Variants in KCNT2 observed in about 807,000 individuals in gnomAD.
The protein encoded by KCNT2 is potassium channel subfamily T member 2.
KCNT2 carries 67 observed loss-of-function variants against 153.8 expected under a neutral mutation model. The observed-to-expected ratio is 0.44, with a 90% CI of 0.36 to 0.53. The LOEUF (loss-of-function observed/expected upper bound fraction) is 0.53. Ranked by LOEUF, KCNT2 falls within the 20% of genes least tolerant of loss-of-function variation. KCNT2 has a pLI of 0.00. For missense variants in KCNT2, 975 were observed against 1,354.8 expected (o/e 0.72, Z 4.40); for synonymous variants, 500 against 458.8 (o/e 1.09, Z -1.15).
Position 196,315,865 on chromosome 1 carries a change from G to T in KCNT2, c.2483+27C>A, listed in dbSNP as rs766480905. 4 of 1,585,208 alleles carry T rather than the reference G, an allele frequency of 2.5e-6. No homozygotes were observed. The Admixed American group carries it at 7.0e-5, about 28-fold the overall frequency. On this transcript the variant is annotated intron_variant, in intron 21 of 27. Transcript: ENST00000294725. ...ACCAATGTTTAGCACAAAGTAAGTG[G>T]CAAGGTTGGATGATTCAGCCACTTA...
chr1:196,573,138 T>C (rs1156259141), intron 1 of KCNT2, among the ~76,000 whole-genome samples: 1 of 152,078 alleles, frequency 6.6e-6, no homozygotes, highest in Non-Finnish European at 1.5e-5. Context: ...TGTATTATAT[T>C]TAACTTCAAA....
At chr1:196,359,744 A>G (rs1036233562) in intron 14 of KCNT2, among the ~76,000 whole-genome samples, 17 of 152,046 alleles carry the variant, frequency 1.1e-4, no homozygotes, top group Non-Finnish European at 2.4e-4. Context: ...ATGAAGAGAT[A>G]GAATTTTTGA....
intron 17 of KCNT2, among the ~76,000 whole-genome samples, chr1:196,333,094 G>GTTT (rs199829441): frequency 5.6e-5 from 8 of 141,778 alleles, no homozygotes; most frequent in African/African-American, 1.0e-4. Context: ...CCAGCTGCAA[G>GTTT]TTTTTTTTTT....
chr1:196,530,707 T>C (rs115013492), intron 1 of KCNT2, among the ~76,000 whole-genome samples: 8,716 of 152,148 alleles, frequency 0.057, 387 homozygotes, highest in Non-Finnish European at 0.085. Context: ...GCATATGTAA[T>C]ATAAATACAG....
At chr1:196,591,489 T>G (rs1355992167) in intron 1 of KCNT2, among the ~76,000 whole-genome samples, 2 of 152,088 alleles carry the variant, frequency 1.3e-5, no homozygotes, top group Non-Finnish European at 2.9e-5. Context: ...TCAACACCTA[T>G]ATGATGAAAT....
At chr1:196,336,753 C>T (rs898856435) in intron 16 of KCNT2, among the ~76,000 whole-genome samples, 10 of 152,290 alleles carry the variant, frequency 6.6e-5, no homozygotes, top group African/African-American at 2.2e-4. Context: ...CCTTATGTTA[C>T]GACCTATCAG....
At chr1:196,592,895 T>A (rs141611750) in intron 1 of KCNT2, among the ~76,000 whole-genome samples, 8,531 of 149,908 alleles carry the variant, frequency 0.057, 377 homozygotes, top group Non-Finnish European at 0.085. Flanking sequence ...AAATTATTTT[T>A]AAGAAAATTT....
intron 1 of KCNT2, among the ~76,000 whole-genome samples, chr1:196,526,224 AT>A (rs111807760): frequency 9.2e-5 from 14 of 152,058 alleles, no homozygotes; most frequent in African/African-American, 3.4e-4. Context: ...TACATAAAAA[AT>A]GTTCATGTAT....
At chr1:196,598,176 T>C (rs1664309003) in intron 1 of KCNT2, among the ~76,000 whole-genome samples, 1 of 152,196 alleles carries the variant, frequency 6.6e-6, no homozygotes, top group Non-Finnish European at 1.5e-5. Flanking sequence ...GTTAACTATT[T>C]GATCTTACAT....
intron 22 of KCNT2, among the ~76,000 whole-genome samples, chr1:196,289,514 G>A (rs969620425): frequency 1.3e-5 from 2 of 151,970 alleles, no homozygotes; most frequent in Admixed American, 6.6e-5. Context: ...TTATGTTAGC[G>A]GCCTACATCA....
At chr1:196,279,455 C>A (rs542829336) in intron 25 of KCNT2, among the ~76,000 whole-genome samples, 1 of 152,106 alleles carries the variant, frequency 6.6e-6, no homozygotes, top group African/African-American at 2.4e-5. Context: ...CAGAGTCTCG[C>A]TCTGTCACCC....
chr1:196,567,852 T>G (rs1466119839), intron 1 of KCNT2, among the ~76,000 whole-genome samples: 1 of 152,250 alleles, frequency 6.6e-6, no homozygotes, highest in Non-Finnish European at 1.5e-5. Context: ...TACTGGAACC[T>G]TTCTTTATCC....
At chr1:196,251,762 T>TTAA (rs1190969188) in intron 26 of KCNT2, among the ~76,000 whole-genome samples, 1 of 151,958 alleles carries the variant, frequency 6.6e-6, no homozygotes, top group African/African-American at 2.4e-5. Flanking sequence ...AGTGGATTGG[T>TTAA]TATAACACAA....
intron 14 of KCNT2, among the ~76,000 whole-genome samples, chr1:196,349,300 T>C (rs1343426079): frequency 6.6e-6 from 1 of 152,162 alleles, no homozygotes; most frequent in Non-Finnish European, 1.5e-5. Flanking sequence ...CATTTAATAA[T>C]ATTTTAGGCA....
At chr1:196,410,399 A>G (rs1292624822) in intron 12 of KCNT2, among the ~76,000 whole-genome samples, 1 of 151,100 alleles carries the variant, frequency 6.6e-6, no homozygotes, top group Non-Finnish European at 1.5e-5. Flanking sequence ...GGGGAACATC[A>G]CACACTGGGG....
At chr1:196,468,199 C>T (rs942302878) in intron 6 of KCNT2, among the ~76,000 whole-genome samples, 3 of 152,004 alleles carry the variant, frequency 2.0e-5, no homozygotes, top group Non-Finnish European at 2.9e-5. Context: ...CCACTTTAAG[C>T]GACATTGCGG....
At chr1:196,310,989 C>T (rs80231983) in intron 21 of KCNT2, among the ~76,000 whole-genome samples, 3,453 of 151,824 alleles carry the variant, frequency 0.023, 123 homozygotes, top group African/African-American at 0.079. Flanking sequence ...CTCAGAGCTT[C>T]GTATATGCTG....
chr1:196,267,154 C>A (rs1224345840), intron 25 of KCNT2, among the ~76,000 whole-genome samples: 1 of 152,202 alleles, frequency 6.6e-6, no homozygotes, highest in Non-Finnish European at 1.5e-5. Flanking sequence ...ATCCAAGTTT[C>A]TGTGGGAAAA....
At chr1:196,567,744 G>A (rs1434185908) in intron 1 of KCNT2, among the ~76,000 whole-genome samples, 1 of 152,178 alleles carries the variant, frequency 6.6e-6, no homozygotes, top group Admixed American at 6.5e-5. Context: ...CGGCTGAGGA[G>A]AGAAGAGAGC....
Sources: allele counts gnomAD v4.1 joint callset (sites outside exome capture counted in the v4.1 genomes callset), GRCh38; gene constraint gnomAD v4.1.1; transcripts MANE v1.5; gene names NCBI Gene and HGNC (gene_info 2026-07-23, HGNC 2026-07-21).